The following SMAD1 variants were observed in gnomAD, a reference collection of about 807,000 sequenced individuals.
SMAD1 encodes SMAD family member 1, also known as MAD, mothers against decapentaplegic homolog 1.
A neutral mutation model predicts 41.6 loss-of-function variants in SMAD1; 6 were observed. That is an observed-to-expected ratio of 0.14 (90% confidence interval 0.08 to 0.28). The LOEUF (loss-of-function observed/expected upper bound fraction) is 0.28, where lower values mean the gene tolerates loss of function less well. Ranked by LOEUF, SMAD1 falls within the 10% of genes least tolerant of loss-of-function variation. The pLI is 1.00. For missense variants in SMAD1, 379 were observed against 582.6 expected, an observed-to-expected ratio of 0.65 and a Z score of 3.60; for synonymous variants, 206 against 203.2, an observed-to-expected ratio of 1.01 and a Z score of -0.12.
In SMAD1 at chr4:145,536,511, A is replaced by G. The variant is rs138945546; in HGVS notation, c.401-3293A>G. 1.1e-3 allele frequency among the ~76,000 whole-genome samples: 161 copies of G among 152,294 alleles called. 1 individual carries two copies. Among genetic ancestry groups the G allele is most frequent in the Non-Finnish European group, 1.9e-3 (131 of 68,004 alleles). The stretch of plus-strand genomic sequence containing the variant: ...AATATGACCATCAAAATAGATAAAG[A>G]TATTTATAGATTATAGCTCATTGAT... On this transcript the variant is annotated intron_variant, in intron 2 of 6. Transcript: ENST00000302085.
intron 2 of SMAD1, among the ~76,000 whole-genome samples, chr4:145,539,431 G>T (rs1731796019): frequency 1.3e-5 from 2 of 152,154 alleles, no homozygotes; most frequent in African/African-American, 4.8e-5. Flanking sequence ...TATCAGCCAG[G>T]GCTGTGAAAT....
intron 5 of SMAD1, among the ~76,000 whole-genome samples, chr4:145,547,913 C>T (rs1732337350): frequency 6.6e-6 from 1 of 152,094 alleles, no homozygotes; most frequent in Non-Finnish European, 1.5e-5. Context: ...GCTGAAAGGG[C>T]CCAGAAGCAT....
chr4:145,482,336 T>C lies in SMAD1; in HGVS notation c.-177+298T>C, dbSNP rs1728229721. 2 of 151,208 alleles carry C rather than the reference T, an allele frequency of 1.3e-5. No homozygotes were observed. Among genetic ancestry groups the C allele is most frequent in the Admixed American group, 1.3e-4 (2 of 15,194 alleles). The allele number at this position is 151,208 out of a possible 1,614,324, so 9.4% of individuals were successfully genotyped here. A position where few individuals can be genotyped will look rare whatever the true frequency, so the allele number is the denominator to read the frequency against. On this transcript the variant is annotated intron_variant, in intron 1 of 6. Coordinates refer to ENST00000302085, the MANE Select transcript of SMAD1 (RefSeq NM_005900.3). This position sits in a 1 kb window ranked among gnomAD's most constrained non-coding sequence, Gnocchi z 4.2. Reference sequence around the variant, plus strand: ...CTGGTGTCTTTGTTGGGTCTTCTGCTGTGGGAAGCCCAGTTCCCGGGCCCC... The same window carrying C: ...CTGGTGTCTTTGTTGGGTCTTCTGCCGTGGGAAGCCCAGTTCCCGGGCCCC...
chr4:145,489,507 G>A (rs1728664758), intron 1 of SMAD1, among the ~76,000 whole-genome samples: 1 of 152,076 alleles, frequency 6.6e-6, no homozygotes, highest in South Asian at 2.1e-4. Context: ...AACCATGAAG[G>A]CTTGGTGATT....
intron 4 of SMAD1, chr4:145,546,410 A>G (rs1732255176): frequency 2.6e-6 from 1 of 383,130 alleles, no homozygotes; most frequent in Non-Finnish European, 4.8e-6. Context: ...AGCAATTAGC[A>G]TATTGTTAAT....
Position 145,553,812 on chromosome 4 carries a change from G to A in SMAD1, c.1026G>A (p.Glu342=), listed in dbSNP as rs745746236. Residue 342 remains glutamate, a synonymous_variant, in exon 6 of 7, where the codon GAG becomes GAA. Coordinates refer to ENST00000302085, the MANE Select transcript of SMAD1 (RefSeq NM_005900.3). ...KGVHLYYVGG[E]VYAECLSDSS... ...TTCATCTTTATTATGTTGGAGGGGA[G>A]GTGTATGCCGAATGCCTTAGTGACA... The A allele has an allele frequency of 6.2e-7, 1 of 1,613,806 alleles. No homozygotes were observed. Among genetic ancestry groups the A allele is most frequent in the Non-Finnish European group, 8.5e-7 (1 of 1,179,694 alleles).
chr4:145,528,903 C>A (rs931373429), intron 2 of SMAD1, among the ~76,000 whole-genome samples: 1 of 152,190 alleles, frequency 6.6e-6, no homozygotes, highest in Non-Finnish European at 1.5e-5. Context: ...CATTCTCTAT[C>A]TCATTCTCTA....
At chr4:145,541,192 C>T (rs1731912547) in intron 3 of SMAD1, among the ~76,000 whole-genome samples, 1 of 152,052 alleles carries the variant, frequency 6.6e-6, no homozygotes, top group Non-Finnish European at 1.5e-5. Flanking sequence ...CAGTGGCAGC[C>T]CAGAGTGGCC....
At chr4:145,491,551 G>A (rs906724904) in intron 1 of SMAD1, among the ~76,000 whole-genome samples, 1 of 152,128 alleles carries the variant, frequency 6.6e-6, no homozygotes, top group African/African-American at 2.4e-5. Context: ...GTTATTCTTT[G>A]TATACTAGGA....
intron 2 of SMAD1, among the ~76,000 whole-genome samples, chr4:145,529,464 A>G (rs1247013044): frequency 6.6e-6 from 1 of 152,170 alleles, no homozygotes; most frequent in Non-Finnish European, 1.5e-5. Context: ...AGGGCTTGCT[A>G]TCCCTTTGGG....
chr4:145,536,672 C>G (rs771057008), intron 2 of SMAD1, among the ~76,000 whole-genome samples: 5 of 152,072 alleles, frequency 3.3e-5, no homozygotes, highest in Non-Finnish European at 7.4e-5. Flanking sequence ...CAGTTCACAA[C>G]CATTATAGCA....
At chr4:145,549,305 A>G (rs1269716389) in intron 5 of SMAD1, among the ~76,000 whole-genome samples, 2 of 152,234 alleles carry the variant, frequency 1.3e-5, no homozygotes, top group Non-Finnish European at 2.9e-5. Flanking sequence ...AGCATTGCCA[A>G]CTATACTATG....
intron 1 of SMAD1, among the ~76,000 whole-genome samples, chr4:145,505,849 A>ATT (rs113159231): frequency 2.1e-5 from 3 of 146,208 alleles, no homozygotes; most frequent in Admixed American, 6.8e-5. Context: ...AGGTCAAACA[A>ATT]TTTTTTTTTT....
intron 2 of SMAD1, among the ~76,000 whole-genome samples, chr4:145,525,185 C>A (rs372691820): frequency 8.5e-5 from 13 of 152,330 alleles, no homozygotes; most frequent in African/African-American, 3.1e-4. Context: ...TGCTAGATAT[C>A]AAAAGGCCAG....
At chr4:145,552,271 A>C (rs866080591) in intron 5 of SMAD1, among the ~76,000 whole-genome samples, 2 of 152,214 alleles carry the variant, frequency 1.3e-5, no homozygotes, top group South Asian at 2.1e-4. Flanking sequence ...TCTAGCAGCT[A>C]TTTAATTATT....
Position 145,558,587 on chromosome 4 carries a change from A to C in SMAD1, c.*653A>C, listed in dbSNP as rs1732972211. 2.0e-5 allele frequency among the ~76,000 whole-genome samples: 3 copies of C among 152,126 alleles called. No individual in the cohort carries two copies. The highest frequency in any genetic ancestry group is 2.9e-5 in the Non-Finnish European group (2 of 68,016). ...AATTGATTAGACTAGTGAATTTAGGAGTATTTGAGGTGGGTGGGGGGAAGA... is the reference window on the plus strand; with the variant it reads ...AATTGATTAGACTAGTGAATTTAGGCGTATTTGAGGTGGGTGGGGGGAAGA... On this transcript the variant is annotated 3_prime_UTR_variant, in exon 7 of 7. Coordinates refer to ENST00000302085, the MANE Select transcript of SMAD1 (RefSeq NM_005900.3).
rs774564557 is a variant in SMAD1, at chr4:145,511,765, C to T, written c.-176-2673C>T. Among the ~76,000 whole-genome samples the T allele has an allele frequency of 2.6e-4, 39 of 152,114 alleles. 1 individual carries two copies. Among genetic ancestry groups the T allele is most frequent in the Admixed American group, 9.8e-4 (15 of 15,274 alleles). On this transcript the variant is annotated intron_variant, in intron 1 of 6. Transcript: ENST00000302085. ...GCTGTTGCCATGCATTTTAATTGTACATATATTTTAAACATCACAAGACAT... is the reference window on the plus strand; with the variant it reads ...GCTGTTGCCATGCATTTTAATTGTATATATATTTTAAACATCACAAGACAT...
At chr4:145,487,606 G>C (rs1309776546) in intron 1 of SMAD1, among the ~76,000 whole-genome samples, 1 of 152,086 alleles carries the variant, frequency 6.6e-6, no homozygotes, top group Non-Finnish European at 1.5e-5. Context: ...AAAAATACCT[G>C]AAGTATTTTC....
At chr4:145,542,447 T>C (rs1011962915) in intron 3 of SMAD1, 135 bp from the exon 4 acceptor site, 21 of 559,730 alleles carry the variant, frequency 3.8e-5, no homozygotes, top group Non-Finnish European at 5.7e-5. Flanking sequence ...GCAGTGCCTG[T>C]AGCCTTTAGT....
Sources: gnomAD v4.1 joint callset for allele counts (sites outside exome capture counted in the v4.1 genomes callset) on GRCh38, gnomAD v4.1.1 for gene constraint, Gnocchi (gnomAD v3.1) non-coding constraint, MANE v1.5 for transcripts, NCBI Gene and HGNC (gene_info 2026-07-23, HGNC 2026-07-21) for gene names.